Variants in LIN7A observed in about 807,000 individuals in gnomAD.
LIN7A encodes the protein protein lin-7 homolog A.
A neutral mutation model predicts 29.8 loss-of-function variants in LIN7A; 25 were observed. The observed-to-expected ratio is 0.84, with a 90% CI of 0.61 to 1.17. The LOEUF (loss-of-function observed/expected upper bound fraction) is 1.17, where lower values mean the gene tolerates loss of function less well. LIN7A is among the 50% of genes most tolerant of loss of function. LIN7A has a pLI of 0.00. For synonymous variants in LIN7A, 118 were observed against 107.5 expected (o/e 1.10, Z -0.60); for missense variants, 239 against 287.0 (o/e 0.83, Z 1.21).
chr12:80,882,446 G>C (rs979702484), intron 2 of LIN7A, among the ~76,000 whole-genome samples: 1 of 148,484 alleles, frequency 6.7e-6, no homozygotes, highest in Non-Finnish European at 1.5e-5. Context: ...CACTACGCCC[G>C]GCTAATTTTT....
intron 4 of LIN7A, among the ~76,000 whole-genome samples, chr12:80,831,594 T>C (rs975233983): frequency 3.3e-5 from 5 of 152,184 alleles, no homozygotes; most frequent in African/African-American, 1.2e-4. Context: ...ACTGCCAATA[T>C]ATGCAAAATT....
chr12:80,875,157 A>G (rs892471313), intron 2 of LIN7A, among the ~76,000 whole-genome samples: 1 of 152,230 alleles, frequency 6.6e-6, no homozygotes, highest in Non-Finnish European at 1.5e-5. Flanking sequence ...AACTAGGTTG[A>G]AAGACCACTT....
At chr12:80,880,805 C>T (rs756283485) in intron 2 of LIN7A, among the ~76,000 whole-genome samples, 20 of 148,640 alleles carry the variant, frequency 1.3e-4, no homozygotes, top group Non-Finnish European at 2.6e-4. Context: ...ACACACACAT[C>T]GACATTCAGG....
At chr12:80,848,774 A>G (rs1873194792) in intron 2 of LIN7A, among the ~76,000 whole-genome samples, 1 of 152,188 alleles carries the variant, frequency 6.6e-6, no homozygotes, top group Non-Finnish European at 1.5e-5. Context: ...ATAAAAGTCC[A>G]TTTGGTACTA....
chr12:80,807,740 G>T (rs1406617952), intron 5 of LIN7A, among the ~76,000 whole-genome samples: 1 of 152,094 alleles, frequency 6.6e-6, no homozygotes, highest in Admixed American at 6.5e-5. Context: ...CTTTACATTT[G>T]GAATGGATAA....
intron 1 of LIN7A, among the ~76,000 whole-genome samples, chr12:80,913,039 G>A (rs1876845474): frequency 6.6e-6 from 1 of 152,128 alleles, no homozygotes; most frequent in Non-Finnish European, 1.5e-5. Flanking sequence ...GAAAACACAG[G>A]TGCCTAATTC....
chr12:80,847,396 A>G (rs1240947346), intron 3 of LIN7A, among the ~76,000 whole-genome samples: 1 of 151,980 alleles, frequency 6.6e-6, no homozygotes, highest in Non-Finnish European at 1.5e-5. Flanking sequence ...AAAAAACCTT[A>G]CAAATCTACA....
chr12:80,893,118 T>G (rs547440611), intron 1 of LIN7A, among the ~76,000 whole-genome samples: 1 of 152,192 alleles, frequency 6.6e-6, no homozygotes, highest in Non-Finnish European at 1.5e-5. Flanking sequence ...ATGAAATGAT[T>G]TTTTTAGGTT....
chr12:80,897,535 G>A (rs1454906693), intron 1 of LIN7A, among the ~76,000 whole-genome samples: 2 of 152,088 alleles, frequency 1.3e-5, no homozygotes, highest in South Asian at 2.1e-4. Flanking sequence ...TGTTGGGGCC[G>A]GATGCGTAAT....
rs749349880 is a variant in LIN7A at position 80,889,376 on chromosome 12, G to GA, written c.83-8dup. The GA allele has an allele frequency of 2.7e-5, 40 of 1,462,418 alleles. 1 individual carries two copies. Among genetic ancestry groups the GA allele is most frequent in the Non-Finnish European group, 3.2e-5 (34 of 1,047,362 alleles). 90.6% of individuals were successfully genotyped at this position (1,462,418 alleles called of 1,614,324 possible). A position where few individuals can be genotyped will look rare whatever the true frequency, so the allele number is the denominator to read the frequency against. ...TCAATTGCTCTTGCAACATCTGAAT[G>GA]AAAAAAAATGAAAATAGAGAAACCT... is the stretch of plus-strand genomic sequence containing the variant. On this transcript the variant is annotated splice_region_variant and splice_polypyrimidine_tract_variant and intron_variant, in intron 1 of 5. Transcript: ENST00000552864.
chr12:80,844,349 G>C (rs1010448432), intron 4 of LIN7A, among the ~76,000 whole-genome samples: 6 of 152,154 alleles, frequency 3.9e-5, no homozygotes, highest in Non-Finnish European at 7.4e-5. Flanking sequence ...ATATACATTA[G>C]AGGACAGCAG....
chr12:80,827,757 T>G (rs1872149067), intron 4 of LIN7A, among the ~76,000 whole-genome samples: 1 of 152,110 alleles, frequency 6.6e-6, no homozygotes, highest in South Asian at 2.1e-4. Flanking sequence ...TCAAAGCCCA[T>G]CCCAAACAGT....
chr12:80,807,074 T>TTTTTG (rs1457314089), intron 5 of LIN7A, among the ~76,000 whole-genome samples: 845 of 47,060 alleles, frequency 0.018, 46 homozygotes, highest in Non-Finnish European at 0.031. Context: ...TTTTTTTTTT[T>TTTTTG]TTTTTTTTTT....
In LIN7A at chr12:80,811,473, T is replaced by G; in HGVS notation, c.694A>C (p.Met232Leu). Residue 232 changes from methionine to leucine, a missense_variant, in exon 5 of 6, where the codon ATG becomes CTG. Transcript: ENST00000552864. Reference sequence around the variant, plus strand: ...AATAAGTCACTTCTCACCTATGACATGTGGTTTTGTTGTGTTTGTTGCTGC... The same window carrying G: ...AATAAGTCACTTCTCACCTATGACAGGTGGTTTTGTTGTGTTTGTTGCTGC... The part of the protein sequence containing the change: ...QQQQQTQQNH[M>L]S 2 of 1,309,904 alleles carry G rather than the reference T, an allele frequency of 1.5e-6. No individual in the cohort carries two copies. Among genetic ancestry groups the G allele is most frequent in the Non-Finnish European group, 2.2e-6 (2 of 925,660 alleles). The allele number at this position is 1,309,904 out of a possible 1,614,324, so 81.1% of individuals were successfully genotyped here.
At chr12:80,873,644 T>C (rs1450326986) in intron 2 of LIN7A, among the ~76,000 whole-genome samples, 2 of 152,174 alleles carry the variant, frequency 1.3e-5, no homozygotes, top group African/African-American at 4.8e-5. Context: ...TCAACAAGGT[T>C]ATGCTTTTGT....
intron 2 of LIN7A, among the ~76,000 whole-genome samples, chr12:80,853,691 A>T (rs1230523526): frequency 6.6e-6 from 1 of 151,866 alleles, no homozygotes; most frequent in African/African-American, 2.4e-5. Context: ...ATGTTGGAGA[A>T]CTAGAATTTT....
intron 2 of LIN7A, among the ~76,000 whole-genome samples, chr12:80,854,560 C>T (rs10778769): frequency 0.44 from 63,510 of 144,900 alleles, 14,024 homozygotes; most frequent in East Asian, 0.68. Context: ...CAAAACAATA[C>T]GGATAGAAAG....
At chr12:80,896,236 G>T (rs891167681) in intron 1 of LIN7A, among the ~76,000 whole-genome samples, 1 of 152,196 alleles carries the variant, frequency 6.6e-6, no homozygotes, top group Non-Finnish European at 1.5e-5. Flanking sequence ...TAAAGTGAGG[G>T]AGTAAGCCTA....
At chr12:80,902,868 G>A (rs981145777) in intron 1 of LIN7A, among the ~76,000 whole-genome samples, 2 of 151,702 alleles carry the variant, frequency 1.3e-5, no homozygotes, top group Non-Finnish European at 2.9e-5. Context: ...TCTTTTGCCT[G>A]TTGCTCTGGC....
Sources: gnomAD v4.1 joint callset for allele counts (sites outside exome capture counted in the v4.1 genomes callset) on GRCh38, gnomAD v4.1.1 for gene constraint, MANE v1.5 for transcripts, NCBI Gene and HGNC (gene_info 2026-07-23, HGNC 2026-07-21) for gene names.